Variants in C9orf43 observed in about 807,000 individuals in gnomAD.
The protein encoded by C9orf43 is uncharacterized protein C9orf43.
C9orf43 carries 45 observed loss-of-function variants against 59.1 expected under a neutral mutation model. That is an observed-to-expected ratio of 0.76 (90% CI 0.60 to 0.98). The LOEUF is 0.98. C9orf43 is among the 50% of genes least tolerant of loss of function. C9orf43 has a pLI of 0.00. For synonymous variants in C9orf43, 203 were observed against 196.8 expected (o/e 1.03, Z -0.26); for missense variants, 533 against 554.9 (o/e 0.96, Z 0.40).
At chr9:113,411,904 C>G (rs1015242194) in intron 1 of C9orf43, among the ~76,000 whole-genome samples, 1 of 152,130 alleles carries the variant, frequency 6.6e-6, no homozygotes, top group Non-Finnish European at 1.5e-5. Flanking sequence ...TCTCGAACTC[C>G]AGGGCTCAAG....
At chr9:113,423,199 A>C (rs910221739) in intron 6 of C9orf43, 127 bp from the exon 7 acceptor site, 1 of 795,482 alleles carries the variant, frequency 1.3e-6, no homozygotes, top group African/African-American at 1.7e-5. Flanking sequence ...GGCGGCCCTC[A>C]TCGTTCAGAG....
Position 113,419,099 on chromosome 9 carries a change from AT to A in C9orf43, c.288-3del. The A allele has an allele frequency of 6.2e-7, 1 of 1,607,502 alleles. No homozygotes were observed. ...TATTTCTGTTTTATGTGTGGAACTC[AT>A]TTTTTAGGCCTCCGAAGGGTTTACC... On this transcript the variant is annotated splice_polypyrimidine_tract_variant and splice_region_variant and intron_variant, in intron 3 of 13. Coordinates refer to ENST00000374165, the MANE Select transcript of C9orf43 (RefSeq NM_001278629.2).
chr9:113,411,201 C>A (rs900677336), intron 1 of C9orf43, 200 bp downstream of exon 1: 1 of 674,512 alleles, frequency 1.5e-6, no homozygotes, highest in Non-Finnish European at 1.8e-6. Flanking sequence ...CATTCGCTTT[C>A]AAAAACAAAC....
chr9:113,418,607 GTC>G (rs147126430), intron 3 of C9orf43, among the ~76,000 whole-genome samples: 6 of 151,264 alleles, frequency 4.0e-5, no homozygotes, highest in Admixed American at 6.6e-5. Context: ...CGTCCTTGTG[GTC>G]TCTCTCTCTC....
chr9:113,429,090 C>G, intron 13 of C9orf43, 82 bp from the exon 14 acceptor site: 1 of 1,521,624 alleles, frequency 6.6e-7, no homozygotes. Context: ...CCTAAAAACA[C>G]CCCATTTTTC....
intron 1 of C9orf43, among the ~76,000 whole-genome samples, chr9:113,411,302 CTTT>C (rs200343845): frequency 2.8e-5 from 4 of 142,030 alleles, no homozygotes; most frequent in Admixed American, 7.0e-5. Context: ...AATGGCGTTT[CTTT>C]TTTTTTTTTT....
At chr9:113,419,045 C>A in intron 3 of C9orf43, 63 bp from the exon 4 acceptor site, 1 of 1,344,370 alleles carries the variant, frequency 7.4e-7, no homozygotes, top group Admixed American at 1.9e-5. Context: ...CCTCATAGCA[C>A]TAACGTTATC....
At chr9:113,416,150 A>G (rs1261971796) in intron 3 of C9orf43, among the ~76,000 whole-genome samples, 1 of 152,206 alleles carries the variant, frequency 6.6e-6, no homozygotes, top group Admixed American at 6.5e-5. Context: ...CCTTCATGAC[A>G]TGGTGGGTTT....
intron 7 of C9orf43, among the ~76,000 whole-genome samples, 163 bp from the exon 8 acceptor site, chr9:113,424,003 C>T (rs1167558522): frequency 6.6e-6 from 1 of 152,182 alleles, no homozygotes; most frequent in Non-Finnish European, 1.5e-5. Context: ...CTATGATGAT[C>T]GTAGTTGCAT....
intron 3 of C9orf43, among the ~76,000 whole-genome samples, chr9:113,418,247 G>C (rs913125754): frequency 1.3e-5 from 2 of 152,060 alleles, no homozygotes; most frequent in Admixed American, 1.3e-4. Flanking sequence ...CCAGTCCCTG[G>C]TAATATCTAT....
Position 113,425,365 on chromosome 9 carries a change from G to A in C9orf43, c.887G>A (p.Arg296Gln), listed in dbSNP as rs868823418. ...CCAGGTTACAGGAAACAGCAGCAGC[G>A]GCAGCAGCAGCAGCAGCAGCAACAG... Reference protein sequence around the residue: ...KTEGYRKQQQRQQQQQQQQKK... With the variant: ...KTEGYRKQQQQQQQQQQQQKK... The change falls in exon 10 of 14, where the codon CGG becomes CAG. Residue 296 changes from arginine to glutamine, a missense_variant. Coordinates refer to ENST00000374165, the MANE Select transcript of C9orf43 (RefSeq NM_001278629.2). The A allele has an allele frequency of 9.9e-6, 16 of 1,612,518 alleles. No homozygotes were observed. The highest frequency in any genetic ancestry group is 1.7e-4 in the Middle Eastern group (1 of 5,986).
intron 1 of C9orf43, 119 bp from the exon 2 acceptor site, chr9:113,413,326 G>T: frequency 1.2e-6 from 1 of 820,900 alleles, no homozygotes; most frequent in Non-Finnish European, 1.7e-6. Flanking sequence ...ATTATTTTGT[G>T]GCCATCATTT....
chr9:113,429,387 G>C lies in C9orf43; in HGVS notation c.*1G>C, dbSNP rs41276817. The C allele has an allele frequency of 0.031, 50,613 of 1,613,192 alleles. 938 individuals carry two copies. Among genetic ancestry groups the C allele is most frequent in the Non-Finnish European group, 0.037 (43,127 of 1,179,498 alleles). On this transcript the variant is annotated 3_prime_UTR_variant, in exon 14 of 14. Transcript: ENST00000374165. ...GGACCAGTCCTCTGGGGCAGAGTGA[G>C]AAGCCTCTGGAGGAATAGACTGAAG...
In C9orf43 at chr9:113,425,576, T is replaced by C. The variant is rs1341930020; in HGVS notation, c.943-67T>C. 5.1e-5 allele frequency: 79 copies of C among 1,548,280 alleles called. 1 individual carries two copies. Among genetic ancestry groups the C allele is most frequent in the Non-Finnish European group, 3.2e-5 (36 of 1,132,104 alleles). ...GATGTTAAATTCCTTCTTTTTGATA[T>C]TCCTTTTGAAAAAAGTTTTCTTTAC... On this transcript the variant is annotated intron_variant, in intron 10 of 13. Transcript: ENST00000374165.
At chr9:113,419,463 G>A (rs112453071) in intron 4 of C9orf43, among the ~76,000 whole-genome samples, 6,082 of 152,136 alleles carry the variant, frequency 0.04, 162 homozygotes, top group South Asian at 0.1. Context: ...AAATACTGTC[G>A]TCTCATAATC....
At chr9:113,418,402 T>G (rs936061093) in intron 3 of C9orf43, among the ~76,000 whole-genome samples, 1 of 152,198 alleles carries the variant, frequency 6.6e-6, no homozygotes. Context: ...CCCCTTATTT[T>G]CAGGAAATAT....
rs549707155 is a variant in C9orf43, at chr9:113,423,653, T to G, written c.656+155T>G. ...TCTTGGACTTACCAACAGGCAGGGA[T>G]GACCATCATAACCACCACCATTTGT... is the stretch of plus-strand genomic sequence containing the variant. On this transcript the variant is annotated intron_variant, in intron 7 of 13. Coordinates refer to ENST00000374165, the MANE Select transcript of C9orf43 (RefSeq NM_001278629.2). 5.3e-5 allele frequency among the ~76,000 whole-genome samples: 8 copies of G among 152,326 alleles called. No individual in the cohort carries two copies. In the South Asian group the frequency reaches 1.7e-3, roughly 32 times the overall value.
intron 3 of C9orf43, among the ~76,000 whole-genome samples, chr9:113,416,037 A>G (rs1225382188): frequency 6.6e-6 from 1 of 152,194 alleles, no homozygotes; most frequent in Non-Finnish European, 1.5e-5. Flanking sequence ...TGTATAGCGC[A>G]GAGCTGTGAG....
rs1480089965 is a variant in C9orf43 at position 113,429,380 on chromosome 9, A to G, written c.1380A>G (p.Ala460=). 8 of 1,613,696 alleles carry G rather than the reference A, an allele frequency of 5.0e-6. No individual in the cohort carries two copies. Among genetic ancestry groups the G allele is most frequent in the Non-Finnish European group, 6.8e-6 (8 of 1,179,918 alleles). ...ATGAGGAGGACCAGTCCTCTGGGGC[A>G]GAGTGAGAAGCCTCTGGAGGAATAG... is the stretch of plus-strand genomic sequence containing the variant. ...DEDEEDQSSG[A]E Residue 460 remains alanine (A), a synonymous_variant, in exon 14 of 14, where the codon GCA becomes GCG. Transcript: ENST00000374165.
Sources: allele counts gnomAD v4.1 joint callset (sites outside exome capture counted in the v4.1 genomes callset), GRCh38; gene constraint gnomAD v4.1.1; transcripts MANE v1.5; gene names NCBI Gene and HGNC (gene_info 2026-07-23, HGNC 2026-07-21).